Variants in KDR observed in about 807,000 individuals in gnomAD.
KDR encodes the protein kinase insert domain receptor.
In KDR, 43 loss-of-function variants were observed where a neutral mutation model predicts 160.9. The observed-to-expected ratio is 0.27, with a 90% CI of 0.21 to 0.34. KDR has a LOEUF of 0.34. KDR is among the 10% of genes least tolerant of loss of function. The probability of loss-of-function intolerance (pLI) is 1.00; values close to 1 mark genes in which losing one functional copy is unlikely to be tolerated. For missense variants in KDR, 1,469 were observed against 1,666.4 expected (o/e 0.88, Z 2.06); for synonymous variants, 617 against 600.1 (o/e 1.03, Z -0.41).
chr4:55,106,759 C>T lies in KDR; in HGVS notation c.1464G>A (p.Val488=). Residue 488 remains valine (V), a synonymous_variant, in exon 11 of 30, where the codon GTG becomes GTA. Coordinates refer to ENST00000263923, the MANE Select transcript of KDR (RefSeq NM_002253.4). ...TTTTATTTCCTCCCTGGAAGTCCTC[C>T]ACACTTCTCCATTCTTCACAAGGGT... The part of the protein sequence containing the change: ...NPYPCEEWRS[V]EDFQGGNKIE... 6.3e-7 allele frequency: 1 copy of T among 1,598,464 alleles called. No homozygotes were observed. Among genetic ancestry groups the T allele is most frequent in the African/African-American group, 1.3e-5 (1 of 74,736 alleles).
At chr4:55,102,941 T>C (rs1720351202) in intron 13 of KDR, among the ~76,000 whole-genome samples, 1 of 152,218 alleles carries the variant, frequency 6.6e-6, no homozygotes. Flanking sequence ...CTTATAAAAC[T>C]TGTTTACACA....
At chr4:55,118,503 C>A in intron 3 of KDR, 101 bp downstream of exon 3, 1 of 913,732 alleles carries the variant, frequency 1.1e-6, no homozygotes, top group African/African-American at 1.6e-5. Flanking sequence ...GGCAAACAGC[C>A]TTTAGAGCAA....
rs1047307493 is a variant in KDR at position 55,080,112 on chromosome 4, G to A, written c.3900C>T (p.Asn1300=). 2 of 1,613,864 alleles carry A rather than the reference G, an allele frequency of 1.2e-6. No homozygotes were observed. The highest frequency in any genetic ancestry group is 1.7e-5 in the Admixed American group (1 of 60,006). The change falls in exon 30 of 30, where the codon AAC becomes AAT. Residue 1300 remains asparagine (N), a synonymous_variant. Coordinates refer to ENST00000263923, the MANE Select transcript of KDR (RefSeq NM_002253.4). ...SRESVASEGS[N]QTSGYQSGYH... is the part of the protein sequence containing the mutation. ...ATCCGGACTGGTAGCCGCTTGTCTGGTTTGAGCCTTCAGATGCCACAGACT... is the reference window on the plus strand; with the variant it reads ...ATCCGGACTGGTAGCCGCTTGTCTGATTTGAGCCTTCAGATGCCACAGACT...
In KDR at chr4:55,105,956, A is replaced by T. The variant is rs777918865; in HGVS notation, c.1537-16T>A. 3 of 1,541,496 alleles carry T rather than the reference A, an allele frequency of 1.9e-6. No individual in the cohort carries two copies. Among genetic ancestry groups the T allele is most frequent in the African/African-American group, 2.7e-5 (2 of 73,380 alleles). The stretch of plus-strand genomic sequence containing the variant: ...TACTTACAGTCTGTGCGGGGAAAAA[A>T]CAAATCCCAGGCCATAAACAACGCG... On this transcript the variant is annotated splice_polypyrimidine_tract_variant and intron_variant, in intron 11 of 29. Transcript: ENST00000263923.
intron 2 of KDR, among the ~76,000 whole-genome samples, chr4:55,120,260 A>G (rs754209277): frequency 6.6e-6 from 1 of 151,828 alleles, no homozygotes; most frequent in Admixed American, 6.6e-5. Context: ...TCCTTTGTGG[A>G]CCCCCAGCAC....
chr4:55,078,595 A>G lies in KDR; in HGVS notation c.*1346T>C, dbSNP rs1462501822. 1.3e-5 allele frequency: 3 copies of G among 232,644 alleles called. No homozygotes were observed. The highest frequency in any genetic ancestry group is 6.6e-5 in the African/African-American group (3 of 45,328). 14.4% of individuals were successfully genotyped at this position (232,644 alleles called of 1,614,324 possible). A position where few individuals can be genotyped will look rare whatever the true frequency, so the allele number is the denominator to read the frequency against. On this transcript the variant is annotated 3_prime_UTR_variant, in exon 30 of 30. Transcript: ENST00000263923. Reference sequence around the variant, plus strand: ...GTGAATAGTACAAAGTTCATTATATATAAGGCTTTAATATATTACATTTGT... The same window carrying G: ...GTGAATAGTACAAAGTTCATTATATGTAAGGCTTTAATATATTACATTTGT...
intron 15 of KDR, 76 bp downstream of exon 15, chr4:55,101,821 C>T: frequency 7.8e-7 from 1 of 1,274,756 alleles, no homozygotes; most frequent in Non-Finnish European, 1.1e-6. Context: ...CTGCAAAGGA[C>T]ATGATCAGAT....
chr4:55,089,343 G>A (rs1719947713), intron 25 of KDR, 31 bp downstream of exon 25: 2 of 1,502,938 alleles, frequency 1.3e-6, no homozygotes, highest in Non-Finnish European at 1.8e-6. Flanking sequence ...AGCAAAGAAA[G>A]AGAACACAGG....
rs188243691 is a variant in KDR at position 55,094,335 on chromosome 4, G to C, written c.2971+467C>G. 2.0e-5 allele frequency among the ~76,000 whole-genome samples: 3 copies of C among 152,258 alleles called. No individual in the cohort carries two copies. In the East Asian group the frequency reaches 5.8e-4, roughly 29 times the overall value. On this transcript the variant is annotated intron_variant, in intron 21 of 29. Coordinates refer to ENST00000263923, the MANE Select transcript of KDR (RefSeq NM_002253.4). ...GGTTGGAAGGAAGACTTGATAAGCC[G>C]CTTGGGGTAGGGTAGAAACAACAGA...
At chr4:55,105,740 C>T in intron 12 of KDR, 92 bp downstream of exon 12, 1 of 827,476 alleles carries the variant, frequency 1.2e-6, no homozygotes, top group South Asian at 1.3e-5. Flanking sequence ...TGCCATGCCA[C>T]TCACATGAAT....
At chr4:55,124,168 T>C (rs1390058288) in intron 1 of KDR, among the ~76,000 whole-genome samples, 2 of 152,152 alleles carry the variant, frequency 1.3e-5, no homozygotes, top group African/African-American at 4.8e-5. Flanking sequence ...TTCTAAGACA[T>C]GTGATTCTTG....
intron 12 of KDR, 46 bp from the exon 13 acceptor site, chr4:55,105,030 A>G: frequency 6.8e-7 from 1 of 1,465,394 alleles, no homozygotes; most frequent in Non-Finnish European, 9.5e-7. Flanking sequence ...TTAACTTGGT[A>G]CAGCTCACTA....
At chr4:55,116,376 C>T (rs1343080045) in intron 3 of KDR, among the ~76,000 whole-genome samples, 1 of 147,882 alleles carries the variant, frequency 6.8e-6, no homozygotes, top group Non-Finnish European at 1.5e-5. Flanking sequence ...GAGATAGCAC[C>T]ACTGCACTTT....
chr4:55,113,525 C>T (rs200313074), intron 6 of KDR, 44 bp from the exon 7 acceptor site: 11 of 1,544,364 alleles, frequency 7.1e-6, no homozygotes, highest in African/African-American at 2.7e-5. Context: ...CAGCATATAA[C>T]ATTACCCAAT....
chr4:55,090,537 G>T (rs112731114), intron 22 of KDR, among the ~76,000 whole-genome samples: 1,624 of 152,278 alleles, frequency 0.011, 37 homozygotes, highest in African/African-American at 0.037. Context: ...GTATGAAGCT[G>T]AAGCCAGACT....
rs113121239 is a variant in KDR at position 55,110,542 on chromosome 4, C to G, written c.1116G>C (p.Glu372Asp). Residue 372 changes from glutamate (E) to aspartate (D), a missense_variant, in exon 9 of 30, where the codon GAG (glutamate) becomes GAC (aspartate). This residue lies in a region of KDR where 792 missense variants were observed against 840.9 expected (regional missense o/e 0.94). Transcript: ENST00000263923. ...GCCCCGCTTTAATTGTGTGATTGGA[C>G]TCAAGGGGTATTCCATTTTTATACC... is the stretch of plus-strand genomic sequence containing the variant. ...IKWYKNGIPL[E>D]SNHTIKAGHV... 1.3e-3 allele frequency: 2,147 copies of G among 1,613,908 alleles called. 30 individuals carry two copies. In the African/African-American group the frequency reaches 0.025, roughly 19 times the overall value.
intron 3 of KDR, among the ~76,000 whole-genome samples, chr4:55,117,930 T>G (rs536979823): frequency 6.6e-6 from 1 of 152,174 alleles, no homozygotes; most frequent in Non-Finnish European, 1.5e-5. Flanking sequence ...ATGCAGAATA[T>G]GTGTGACATT....
At position 55,102,438 on chromosome 4, in the gene KDR, G is replaced by C. The variant is rs2110021260; in HGVS notation, c.2058C>G (p.Val686=). The change falls in exon 14 of 30, where the codon GTC becomes GTG. Residue 686 remains valine (V), a synonymous_variant. Transcript: ENST00000263923. ...GGGGATTCCCAGATGCCGTGCATGA[G>C]ACTTCGATGCTTTCCCCAATACTTG... ...QTTSIGESIE[V]SCTASGNPPP... 6.2e-7 allele frequency: 1 copy of C among 1,613,650 alleles called. No individual in the cohort carries two copies. Among genetic ancestry groups the C allele is most frequent in the Non-Finnish European group, 8.5e-7 (1 of 1,179,638 alleles).
intron 21 of KDR, among the ~76,000 whole-genome samples, chr4:55,094,445 C>G (rs1223542132): frequency 2.0e-5 from 3 of 152,148 alleles, no homozygotes; most frequent in Non-Finnish European, 4.4e-5. Flanking sequence ...GCAAACCACT[C>G]TGGGGCTCTC....
Sources: allele counts gnomAD v4.1 joint callset (sites outside exome capture counted in the v4.1 genomes callset), GRCh38; gene constraint gnomAD v4.1.1; regional missense constraint gnomAD v4.1.1; transcripts MANE v1.5; gene names NCBI Gene and HGNC (gene_info 2026-07-23, HGNC 2026-07-21).